The following SCART1 variants were observed in gnomAD, a reference collection of about 807,000 sequenced individuals.
SCART1 encodes scavenger receptor family member expressed on T cells 1.
SCART1 carries 62 observed loss-of-function variants against 36.2 expected under a neutral mutation model. The observed-to-expected ratio is 1.71, with a 90% CI of 1.40 to 2.12. SCART1 has a LOEUF of 2.12. Ranked by LOEUF, SCART1 falls within the 30% of genes most tolerant of loss-of-function variation. The pLI is 0.00. For missense variants in SCART1, 1,041 were observed against 540.5 expected (o/e 1.93, Z -9.18); for synonymous variants, 487 against 238.7 (o/e 2.04, Z -9.59).
In SCART1 at chr10:133,456,872, A is replaced by G. The variant is rs549019998; in HGVS notation, c.385+318A>G. ...GTCTGTGGACGCCTGAGGCCCACACAGGTAGCTGATGATGGTTTCTTAGAC... is the reference window on the plus strand; with the variant it reads ...GTCTGTGGACGCCTGAGGCCCACACGGGTAGCTGATGATGGTTTCTTAGAC... On this transcript the variant is annotated intron_variant, in intron 2 of 11. Coordinates refer to ENST00000640237, the Ensembl canonical transcript of SCART1. Among the ~76,000 whole-genome samples the G allele has an allele frequency of 9.2e-5, 14 of 152,278 alleles. No homozygotes were observed. In the South Asian group the frequency reaches 2.5e-3, roughly 27 times the overall value.
chr10:133,457,382 T>C (rs1386814777), exon 3 of SCART1: 1 of 701,632 alleles, frequency 1.4e-6, no homozygotes, highest in Non-Finnish European at 2.6e-6. Context: ...GTGTCCTGCA[T>C]GTGGAGGAGG....
intron 9 of SCART1, 48 bp from the exon 10 acceptor site, chr10:133,466,187 G>C: frequency 1.4e-6 from 1 of 689,828 alleles, no homozygotes; most frequent in Non-Finnish European, 2.6e-6. Flanking sequence ...CTGAGGGTGT[G>C]CAGGTCCCCC....
exon 6 of SCART1, chr10:133,459,517 G>A (rs1850666947): frequency 1.5e-6 from 1 of 675,098 alleles, no homozygotes; most frequent in Non-Finnish European, 2.7e-6. Flanking sequence ...CTGAGGGAAG[G>A]ACAGAGCCGC....
At chr10:133,458,453 T>G in exon 4 of SCART1, 1 of 697,446 alleles carries the variant, frequency 1.4e-6, no homozygotes, top group Non-Finnish European at 2.6e-6. Context: ...GCCCTGGACC[T>G]GGCCACGGCC....
Position 133,464,835 on chromosome 10 carries a change from G to A in SCART1, c.2199G>A (p.Pro733=), listed in dbSNP as rs569682967. Reference sequence around the variant, plus strand: ...GCCTGGGTGGACAACATCGAGTGCCGCAGGCTGCCCAACTCCACTCTGTGG... The same window carrying A: ...GCCTGGGTGGACAACATCGAGTGCCACAGGCTGCCCAACTCCACTCTGTGG... The change falls in exon 7 of 12, where the codon CCG becomes CCA. Residue 733 remains proline (P), a synonymous_variant. Transcript: ENST00000640237. The A allele has an allele frequency of 4.2e-4, 294 of 702,882 alleles. 1 individual carries two copies. The African/African-American group carries it at 4.2e-3, about 10-fold the overall frequency. The allele number at this position is 702,882 out of a possible 1,614,324, so 43.5% of individuals were successfully genotyped here.
Position 133,457,586 on chromosome 10 carries a change from C to T in SCART1, c.682+11C>T. On this transcript the variant is annotated intron_variant, in intron 3 of 11. Coordinates refer to ENST00000640237, the Ensembl canonical transcript of SCART1. The stretch of plus-strand genomic sequence containing the variant: ...AGGTGGTCTGCTCAGGTGAGGCTGC[C>T]ACCTGATGTTCCCAGTGACCCTTGG... 3.0e-6 allele frequency: 2 copies of T among 677,892 alleles called. No homozygotes were observed. The highest frequency in any genetic ancestry group is 5.4e-5 in the East Asian group (2 of 36,884). The allele number at this position is 677,892 out of a possible 1,614,324, so 42.0% of individuals were successfully genotyped here. A position where few individuals can be genotyped will look rare whatever the true frequency, so the allele number is the denominator to read the frequency against.
chr10:133,458,179 G>C, intron 3 of SCART1, 181 bp from the exon 4 acceptor site: 1 of 699,616 alleles, frequency 1.4e-6, no homozygotes, highest in Non-Finnish European at 2.6e-6. Flanking sequence ...AAGGACGTCT[G>C]CTCTGCTCTG....
chr10:133,463,129 T>C (rs1271056393), intron 6 of SCART1, among the ~76,000 whole-genome samples: 1 of 152,154 alleles, frequency 6.6e-6, no homozygotes, highest in Non-Finnish European at 1.5e-5. Context: ...TTTTGGACTT[T>C]ACACTGCTCC....
At chr10:133,456,271 C>A (rs1030771877) in exon 2 of SCART1, 3 of 702,842 alleles carry the variant, frequency 4.3e-6, no homozygotes, top group Non-Finnish European at 7.8e-6. Context: ...CGTACAGACA[C>A]AGCACGTGCG....
At chr10:133,457,786 C>T in intron 3 of SCART1, 2 of 560,154 alleles carry the variant, frequency 3.6e-6, no homozygotes, top group Non-Finnish European at 6.2e-6. Context: ...CAGAGGTGTC[C>T]TGGCTCAGAA....
exon 3 of SCART1, chr10:133,457,477 C>T: frequency 2.8e-6 from 2 of 702,742 alleles, no homozygotes; most frequent in Non-Finnish European, 5.2e-6. Context: ...AAGTACCTGG[C>T]CTGCAGGGGT....
intron 6 of SCART1, chr10:133,464,281 A>G (rs1850736235): frequency 3.0e-6 from 1 of 331,286 alleles, no homozygotes; most frequent in Non-Finnish European, 5.5e-6. Context: ...CTGGGCGTGC[A>G]GTGAACCTGG....
intron 6 of SCART1, chr10:133,464,299 AGTGAACCTGGGCGTG>A: frequency 5.4e-5 from 2 of 37,248 alleles, no homozygotes; most frequent in Non-Finnish European, 2.1e-4. Flanking sequence ...TGGGTGCTGC[AGTGAACCTGGGCGTG>A]CAGTGAACCT....
chr10:133,458,249 C>T (rs759955868), intron 3 of SCART1, 111 bp from the exon 4 acceptor site: 3 of 701,108 alleles, frequency 4.3e-6, no homozygotes, highest in South Asian at 3.0e-5. Flanking sequence ...AGACCCTCTG[C>T]CTAGATGCAG....
chr10:133,458,875 C>A, intron 4 of SCART1, 146 bp from the exon 5 acceptor site: 1 of 631,732 alleles, frequency 1.6e-6, no homozygotes, highest in Non-Finnish European at 2.8e-6. Context: ...GAGCTGGATG[C>A]TGATGCAGAG....
chr10:133,468,099 A>C, exon 12 of SCART1: 1 of 564,174 alleles, frequency 1.8e-6, no homozygotes, highest in Non-Finnish European at 3.2e-6. Flanking sequence ...TGTCCATGTA[A>C]AATCCAGTCC....
chr10:133,464,359 TG>T, intron 6 of SCART1: 1 of 456,524 alleles, frequency 2.2e-6, no homozygotes, highest in East Asian at 3.7e-5. Context: ...GCAGTGAACC[TG>T]GGCGTGCAGT....
exon 6 of SCART1, chr10:133,459,618 C>G (rs1266745276): frequency 3.0e-6 from 2 of 672,222 alleles, no homozygotes. Flanking sequence ...CGTGGTGTGC[C>G]GGCAACTCGG....
chr10:133,459,656 C>T (rs1365142074), exon 6 of SCART1: 1 of 692,842 alleles, frequency 1.4e-6, no homozygotes, highest in Non-Finnish European at 2.6e-6. Flanking sequence ...AAGCCTATGA[C>T]GCACCTGCCC....
Sources: allele counts gnomAD v4.1 joint callset (sites outside exome capture counted in the v4.1 genomes callset), GRCh38; gene constraint gnomAD v4.1.1; transcripts MANE v1.5; gene names NCBI Gene and HGNC (gene_info 2026-07-23, HGNC 2026-07-21).